Variants in KIRREL3 observed in about 807,000 individuals in gnomAD.
KIRREL3 encodes the protein kirre like nephrin family adhesion molecule 3.
KIRREL3 carries 36 observed loss-of-function variants against 89.7 expected under a neutral mutation model. The ratio of observed to expected loss-of-function variants is 0.40; its 90% CI spans 0.31 to 0.53. The LOEUF (loss-of-function observed/expected upper bound fraction) is 0.53, where lower values mean the gene tolerates loss of function less well. KIRREL3 is among the 20% of genes least tolerant of loss of function. The probability of loss-of-function intolerance (pLI) is 0.49; values close to 1 mark genes in which losing one functional copy is unlikely to be tolerated. For missense variants in KIRREL3, 864 were observed against 1,056.6 expected (o/e 0.82, Z 2.53); for synonymous variants, 445 against 441.4 (o/e 1.01, Z -0.10).
chr11:126,603,278 C>G (rs1230342766), intron 1 of KIRREL3, among the ~76,000 whole-genome samples: 1 of 152,242 alleles, frequency 6.6e-6, no homozygotes, highest in African/African-American at 2.4e-5. Context: ...GGGCTCATGC[C>G]AGCCTCGGTG....
chr11:126,577,687 G>A (rs763272398), intron 1 of KIRREL3, among the ~76,000 whole-genome samples: 1 of 151,330 alleles, frequency 6.6e-6, no homozygotes, highest in African/African-American at 2.4e-5. Flanking sequence ...GCTTGAACCC[G>A]GGAAGCGGAG....
At position 126,739,486 on chromosome 11, in the gene KIRREL3, G is replaced by A. The variant is rs961482890; in HGVS notation, c.56-176574C>T. Among the ~76,000 whole-genome samples the A allele has an allele frequency of 6.6e-6, 1 of 152,224 alleles. No individual in the cohort carries two copies. Among genetic ancestry groups the A allele is most frequent in the Admixed American group, 6.5e-5 (1 of 15,282 alleles). On this transcript the variant is annotated intron_variant, in intron 1 of 16. Coordinates refer to ENST00000525144, the MANE Select transcript of KIRREL3 (RefSeq NM_032531.4). The surrounding 1 kb of genome is among the most constrained non-coding windows in gnomAD (Gnocchi z 5.5). ...TGCTCTGTCAGTCAGTGTGCCAGGTGCAGGTAGCGTCATGTGCCCTACCTG... is the reference window on the plus strand; with the variant it reads ...TGCTCTGTCAGTCAGTGTGCCAGGTACAGGTAGCGTCATGTGCCCTACCTG...
In KIRREL3 at chr11:126,985,164, T is replaced by C. The variant is rs1238503581; in HGVS notation, c.55+15291A>G. Among the ~76,000 whole-genome samples the C allele has an allele frequency of 6.6e-6, 1 of 152,134 alleles. No homozygotes were observed. The highest frequency in any genetic ancestry group is 1.5e-5 in the Non-Finnish European group (1 of 68,014). Reference sequence around the variant, plus strand: ...GAGTTGTACAAGGCAATAATAATGATAAATAGAGCACGTTCTCTGATGAAA... The same window carrying C: ...GAGTTGTACAAGGCAATAATAATGACAAATAGAGCACGTTCTCTGATGAAA... On this transcript the variant is annotated intron_variant, in intron 1 of 16. Coordinates refer to ENST00000525144, the MANE Select transcript of KIRREL3 (RefSeq NM_032531.4). This position sits in a 1 kb window ranked among gnomAD's most constrained non-coding sequence, Gnocchi z 5.3.
At chr11:126,809,507 AG>A (rs1464373738) in intron 1 of KIRREL3, among the ~76,000 whole-genome samples, 1 of 152,250 alleles carries the variant, frequency 6.6e-6, no homozygotes, top group African/African-American at 2.4e-5. Context: ...AAGGGTTATA[AG>A]TAATAGCAAA....
chr11:126,893,413 A>G (rs1946004705), intron 1 of KIRREL3, among the ~76,000 whole-genome samples: 1 of 152,248 alleles, frequency 6.6e-6, no homozygotes. Flanking sequence ...GCTATTCTTC[A>G]TAATAGCAGG....
chr11:126,931,281 A>T lies in KIRREL3; in HGVS notation c.55+69174T>A, dbSNP rs929159692. On this transcript the variant is annotated intron_variant, in intron 1 of 16. Transcript: ENST00000525144. The surrounding 1 kb of genome is among the most constrained non-coding windows in gnomAD (Gnocchi z 5.1). The stretch of plus-strand genomic sequence containing the variant: ...AGTGTCTGGCACATAGGATGTACTG[A>T]AATCAAGATTGAATGAATGAATGAA... Among the ~76,000 whole-genome samples the T allele has an allele frequency of 3.3e-5, 5 of 152,320 alleles. No homozygotes were observed. In the South Asian group the frequency reaches 1.0e-3, roughly 32 times the overall value.
intron 1 of KIRREL3, among the ~76,000 whole-genome samples, chr11:126,928,580 A>G (rs1947814404): frequency 6.6e-6 from 1 of 152,214 alleles, no homozygotes; most frequent in South Asian, 2.1e-4. Context: ...GGTGGCGAAA[A>G]TCAGGGAAAA....
intron 1 of KIRREL3, among the ~76,000 whole-genome samples, chr11:126,928,509 A>G (rs1322955823): frequency 6.6e-6 from 1 of 152,056 alleles, no homozygotes; most frequent in Non-Finnish European, 1.5e-5. Context: ...GAACTTGAGA[A>G]AAGAGGCCCT....
In KIRREL3 at chr11:126,473,436, C is replaced by T. The variant is rs1373343297; in HGVS notation, c.464G>A (p.Gly155Asp). The T allele has an allele frequency of 1.9e-6, 3 of 1,571,006 alleles. No individual in the cohort carries two copies. The highest frequency in any genetic ancestry group is 2.6e-6 in the Non-Finnish European group (3 of 1,150,308). Residue 155 changes from glycine to aspartate, a missense_variant, in exon 5 of 17, where the codon GGC becomes GAC. Transcript: ENST00000525144. ...VPPDDPVILG[G>D]PVISLRAGDP... Reference sequence around the variant, plus strand: ...CCCCGCACGCAGGCTGATCACAGGGCCCCCCAGGATGACGGGGTCATCAGG... The same window carrying T: ...CCCCGCACGCAGGCTGATCACAGGGTCCCCCAGGATGACGGGGTCATCAGG...
In KIRREL3 at chr11:126,860,403, T is replaced by C. The variant is rs7942644; in HGVS notation, c.55+140052A>G. Reference sequence around the variant, plus strand: ...AGAAAAGCTGGGAAAGTTATAGAAGTGATATTTAAGAGCCTCAGGTGTTGG... The same window carrying C: ...AGAAAAGCTGGGAAAGTTATAGAAGCGATATTTAAGAGCCTCAGGTGTTGG... On this transcript the variant is annotated intron_variant, in intron 1 of 16. Coordinates refer to ENST00000525144, the MANE Select transcript of KIRREL3 (RefSeq NM_032531.4). This position sits in a 1 kb window ranked among gnomAD's most constrained non-coding sequence, Gnocchi z 4.6. Among the ~76,000 whole-genome samples the C allele has an allele frequency of 0.81, 123,400 of 152,104 alleles. 50,205 individuals are homozygous for C. The highest frequency in any genetic ancestry group is 1 in the East Asian group (5,154 of 5,168).
intron 1 of KIRREL3, among the ~76,000 whole-genome samples, chr11:126,960,088 A>C (rs1949041485): frequency 6.6e-6 from 1 of 152,140 alleles, no homozygotes; most frequent in African/African-American, 2.4e-5. Context: ...TGAATGAATG[A>C]ATGACTTCCC....
chr11:126,496,269 G>T lies in KIRREL3; in HGVS notation c.434-22803C>A, dbSNP rs142323872. On this transcript the variant is annotated intron_variant, in intron 4 of 16. Transcript: ENST00000525144. This position sits in a 1 kb window ranked among gnomAD's most constrained non-coding sequence, Gnocchi z 4.9. ...TCGGAACATTGAGAGGCACTGTGCT[G>T]TTTGCAAAATGCTTTCTATACACGT... Among the ~76,000 whole-genome samples, 1 of 152,214 alleles carries T rather than the reference G, an allele frequency of 6.6e-6. No individual in the cohort carries two copies. The highest frequency in any genetic ancestry group is 1.5e-5 in the Non-Finnish European group (1 of 68,034).
chr11:126,467,682 T>C (rs571281392), intron 5 of KIRREL3, among the ~76,000 whole-genome samples: 39 of 152,120 alleles, frequency 2.6e-4, no homozygotes, highest in African/African-American at 8.9e-4. Flanking sequence ...TGATAGCTGC[T>C]TGGGGCTCCC....
rs534263264 is a variant in KIRREL3 at position 126,981,393 on chromosome 11, T to G, written c.55+19062A>C. On this transcript the variant is annotated intron_variant, in intron 1 of 16. Coordinates refer to ENST00000525144, the MANE Select transcript of KIRREL3 (RefSeq NM_032531.4). This position sits in a 1 kb window ranked among gnomAD's most constrained non-coding sequence, Gnocchi z 4.2. The stretch of plus-strand genomic sequence containing the variant: ...GGCCATTGGGCCCACTGACAGCATA[T>G]TGCCTAATCGCCATTATTCTGGAGG... 9.2e-5 allele frequency among the ~76,000 whole-genome samples: 14 copies of G among 152,288 alleles called. No homozygotes were observed. The highest frequency in any genetic ancestry group is 3.1e-4 in the African/African-American group (13 of 41,550).
chr11:126,574,157 G>A lies in KIRREL3; in HGVS notation c.56-11245C>T, dbSNP rs1941126360. On this transcript the variant is annotated intron_variant, in intron 1 of 16. Transcript: ENST00000525144. The surrounding 1 kb of genome is among the most constrained non-coding windows in gnomAD (Gnocchi z 5.3). The stretch of plus-strand genomic sequence containing the variant: ...CCTGCAGAGCTTTGCAGTTGAAGAA[G>A]TAAATACATGTTCTTCTTTAACCCT... Among the ~76,000 whole-genome samples the A allele has an allele frequency of 6.6e-6, 1 of 152,200 alleles. No individual in the cohort carries two copies. The highest frequency in any genetic ancestry group is 1.5e-5 in the Non-Finnish European group (1 of 68,040).
In KIRREL3 at chr11:126,610,795, G is replaced by T. The variant is rs750918560; in HGVS notation, c.56-47883C>A. 10 of 152,198 alleles carry T rather than the reference G, an allele frequency of 6.6e-5. No homozygotes were observed. The highest frequency in any genetic ancestry group is 1.5e-4 in the Non-Finnish European group (10 of 68,048). The allele number at this position is 152,198 out of a possible 1,614,324, so 9.4% of individuals were successfully genotyped here. On this transcript the variant is annotated intron_variant, in intron 1 of 16. Transcript: ENST00000525144. The surrounding 1 kb of genome is among the most constrained non-coding windows in gnomAD (Gnocchi z 4.6). ...TTAGACAGTTGAAGCTGCCTCAGTGGTCTCCCCAGATCATGCAGGTCGGGG... is the reference window on the plus strand; with the variant it reads ...TTAGACAGTTGAAGCTGCCTCAGTGTTCTCCCCAGATCATGCAGGTCGGGG...
At chr11:126,950,441 A>G (rs1367107386) in intron 1 of KIRREL3, among the ~76,000 whole-genome samples, 1 of 152,134 alleles carries the variant, frequency 6.6e-6, no homozygotes, top group Non-Finnish European at 1.5e-5. Context: ...CTACAATACC[A>G]AGGCTGACCT....
chr11:126,698,260 C>T (rs752884579), intron 1 of KIRREL3, among the ~76,000 whole-genome samples: 16 of 152,250 alleles, frequency 1.1e-4, no homozygotes, highest in African/African-American at 2.6e-4. Context: ...CTCATGCTCA[C>T]GGAGAGATGA....
At position 126,475,198 on chromosome 11, in the gene KIRREL3, G is replaced by C. The variant is rs558452630; in HGVS notation, c.434-1732C>G. ...GCCCTTCTATGCAGGCTCTGTGCTC[G>C]GGGCTCTGGGCTGGAGAAGTTCAGA... On this transcript the variant is annotated intron_variant, in intron 4 of 16. Transcript: ENST00000525144. The surrounding 1 kb of genome is among the most constrained non-coding windows in gnomAD (Gnocchi z 7.5). 6.6e-6 allele frequency among the ~76,000 whole-genome samples: 1 copy of C among 152,290 alleles called. No homozygotes were observed. Among genetic ancestry groups the C allele is most frequent in the South Asian group, 2.1e-4 (1 of 4,828 alleles).
Sources: gnomAD v4.1 joint callset for allele counts (sites outside exome capture counted in the v4.1 genomes callset) on GRCh38, gnomAD v4.1.1 for gene constraint, Gnocchi (gnomAD v3.1) non-coding constraint, MANE v1.5 for transcripts, NCBI Gene and HGNC (gene_info 2026-07-23, HGNC 2026-07-21) for gene names.